CLYBL: variants seen among roughly 807,000 people sequenced by gnomAD.
CLYBL encodes the protein citramalyl-CoA lyase, mitochondrial.
A neutral mutation model predicts 38.9 loss-of-function variants in CLYBL; 31 were observed. The ratio of observed to expected loss-of-function variants is 0.80; its 90% CI spans 0.60 to 1.08. CLYBL has a LOEUF of 1.08. CLYBL is among the 50% of genes least tolerant of loss of function. The pLI is 0.00. For synonymous variants in CLYBL, 171 were observed against 158.6 expected (o/e 1.08, Z -0.59); for missense variants, 434 against 411.6 (o/e 1.05, Z -0.47).
At chr13:99,839,978 C>T (rs1389770804) in intron 2 of CLYBL, among the ~76,000 whole-genome samples, 1 of 146,538 alleles carries the variant, frequency 6.8e-6, no homozygotes, top group Non-Finnish European at 1.5e-5. Flanking sequence ...CCGCACTCCC[C>T]ACACCCCTTC....
chr13:99,697,384 T>A (rs1183745117), intron 1 of CLYBL, among the ~76,000 whole-genome samples: 1 of 152,188 alleles, frequency 6.6e-6, no homozygotes, highest in African/African-American at 2.4e-5. Context: ...TTTATTATTA[T>A]TATTACTTTT....
At chr13:99,876,441 A>G (rs868776755) in intron 7 of CLYBL, among the ~76,000 whole-genome samples, 4 of 146,584 alleles carry the variant, frequency 2.7e-5, no homozygotes, top group Non-Finnish European at 4.4e-5. Context: ...AAAAAAAAAA[A>G]GAGTGTTTTT....
intron 1 of CLYBL, among the ~76,000 whole-genome samples, chr13:99,607,303 C>A (rs1410382258): frequency 1.3e-5 from 2 of 151,214 alleles, no homozygotes; most frequent in Non-Finnish European, 3.0e-5. Flanking sequence ...CATAACTTCT[C>A]AAAAAAAAAG....
chr13:99,893,541 C>T (rs1464221837), downstream of CLYBL: 1 of 152,428 alleles, frequency 6.6e-6, no homozygotes, highest in East Asian at 1.9e-4. Context: ...GAAAATAAAC[C>T]TCACCTTGTC....
In CLYBL at chr13:99,687,939, T is replaced by C. The variant is rs534453415; in HGVS notation, c.62+81182T>C. On this transcript the variant is annotated intron_variant, in intron 1 of 8. Coordinates refer to ENST00000339105, the MANE Select transcript of CLYBL (RefSeq NM_206808.5). ...TGATCATGACTAAGCCCAGGAACAA[T>C]GCAAATGGAATTGCCCCCTGATGGG... 1.3e-5 allele frequency among the ~76,000 whole-genome samples: 2 copies of C among 152,338 alleles called. 1 individual carries two copies. Among genetic ancestry groups the C allele is most frequent in the South Asian group, 4.1e-4 (2 of 4,830 alleles).
intron 1 of CLYBL, among the ~76,000 whole-genome samples, chr13:99,630,897 A>G (rs971833987): frequency 1.3e-5 from 2 of 152,256 alleles, no homozygotes; most frequent in African/African-American, 2.4e-5. Flanking sequence ...CCAAATTTAC[A>G]TGCCTACTAA....
chr13:99,631,476 A>G (rs2046944473), intron 1 of CLYBL, among the ~76,000 whole-genome samples: 1 of 152,178 alleles, frequency 6.6e-6, no homozygotes, highest in Non-Finnish European at 1.5e-5. Flanking sequence ...TTCATTAAAT[A>G]CAGGGATAGT....
chr13:99,704,098 A>G (rs1268766792), intron 1 of CLYBL, among the ~76,000 whole-genome samples: 2 of 152,202 alleles, frequency 1.3e-5, no homozygotes, highest in Non-Finnish European at 2.9e-5. Context: ...CATTAACAAG[A>G]GAAGGAGACT....
intron 2 of CLYBL, among the ~76,000 whole-genome samples, chr13:99,828,366 G>C (rs2181606): frequency 0.061 from 9,238 of 152,236 alleles, 302 homozygotes; most frequent in East Asian, 0.16. Flanking sequence ...TTTTCCCATG[G>C]TAGCGACAGC....
intron 1 of CLYBL, among the ~76,000 whole-genome samples, chr13:99,722,603 T>A (rs2048411396): frequency 6.9e-6 from 1 of 144,762 alleles, no homozygotes. Context: ...ATTTTTCACT[T>A]CCAGTAGCAG....
At chr13:99,673,576 G>T (rs1377407235) in intron 1 of CLYBL, among the ~76,000 whole-genome samples, 4 of 152,194 alleles carry the variant, frequency 2.6e-5, no homozygotes, top group Non-Finnish European at 5.9e-5. Flanking sequence ...AGGAAGAATG[G>T]TCTAGGTAGA....
rs965064406 is a variant in CLYBL at position 99,701,699 on chromosome 13, A to G, written c.63-71125A>G. 1.6e-4 allele frequency among the ~76,000 whole-genome samples: 24 copies of G among 150,414 alleles called. 1 individual carries two copies. The highest frequency in any genetic ancestry group is 5.6e-4 in the African/African-American group (23 of 40,934). On this transcript the variant is annotated intron_variant, in intron 1 of 8. Coordinates refer to ENST00000339105, the MANE Select transcript of CLYBL (RefSeq NM_206808.5). ...TTTTATTATTATTATTTTTGAGACGAAGTCTCACTCTGTCACCCACTCTGG... is the reference window on the plus strand; with the variant it reads ...TTTTATTATTATTATTTTTGAGACGGAGTCTCACTCTGTCACCCACTCTGG...
chr13:99,799,779 G>A (rs2050095106), intron 2 of CLYBL, among the ~76,000 whole-genome samples: 1 of 152,194 alleles, frequency 6.6e-6, no homozygotes, highest in Non-Finnish European at 1.5e-5. Flanking sequence ...GTACCAAAGT[G>A]GCTAATTACG....
chr13:99,616,167 T>TTA (rs1566589262), intron 1 of CLYBL, among the ~76,000 whole-genome samples: 1 of 103,326 alleles, frequency 9.7e-6, no homozygotes, highest in Non-Finnish European at 1.9e-5. Flanking sequence ...TTTTTTTTTT[T>TTA]AAGACTGGTG....
At chr13:99,901,625 T>G (rs1289506303), downstream of CLYBL, among the ~76,000 whole-genome samples, 1 of 141,234 alleles carries the variant, frequency 7.1e-6, no homozygotes, top group African/African-American at 2.6e-5. Context: ...TTCTTTGTTT[T>G]TGGTTTTTTG....
intron 2 of CLYBL, among the ~76,000 whole-genome samples, chr13:99,822,336 A>G (rs1300609984): frequency 2.0e-5 from 3 of 152,258 alleles, no homozygotes; most frequent in Admixed American, 2.0e-4. Context: ...GCAAAACAGC[A>G]TGACTGGTGG....
chr13:99,770,372 C>G (rs916500490), intron 1 of CLYBL, among the ~76,000 whole-genome samples: 4 of 152,134 alleles, frequency 2.6e-5, no homozygotes, highest in Non-Finnish European at 5.9e-5. Flanking sequence ...GGGTAGAGTA[C>G]AGTGGCGCAA....
Position 99,804,754 on chromosome 13 carries a change from A to G in CLYBL, c.249+31744A>G, listed in dbSNP as rs576166444. Among the ~76,000 whole-genome samples the G allele has an allele frequency of 4.6e-5, 7 of 152,378 alleles. No individual in the cohort carries two copies. The South Asian group carries it at 1.4e-3, about 32-fold the overall frequency. ...TATTAATGCCATATGCTTTTTAAAA[A>G]AGTGATAAAATATGCAGAACATACA... is the stretch of plus-strand genomic sequence containing the variant. On this transcript the variant is annotated intron_variant, in intron 2 of 8. Coordinates refer to ENST00000339105, the MANE Select transcript of CLYBL (RefSeq NM_206808.5).
rs190170313 is a variant in CLYBL at position 99,736,625 on chromosome 13, T to C, written c.63-36199T>C. 9.2e-5 allele frequency among the ~76,000 whole-genome samples: 14 copies of C among 152,300 alleles called. No individual in the cohort carries two copies. The East Asian group carries it at 2.7e-3, about 29-fold the overall frequency. On this transcript the variant is annotated intron_variant, in intron 1 of 8. Coordinates refer to ENST00000339105, the MANE Select transcript of CLYBL (RefSeq NM_206808.5). Reference sequence around the variant, plus strand: ...AAATCTGTGGTGCCACTTGAGGAGATGAAATCTATGGTCCTGCCTGTTTTC... The same window carrying C: ...AAATCTGTGGTGCCACTTGAGGAGACGAAATCTATGGTCCTGCCTGTTTTC...
Sources: allele counts gnomAD v4.1 joint callset (sites outside exome capture counted in the v4.1 genomes callset), GRCh38; gene constraint gnomAD v4.1.1; transcripts MANE v1.5; gene names NCBI Gene and HGNC (gene_info 2026-07-23, HGNC 2026-07-21).